TTK: variants seen among roughly 807,000 people sequenced by gnomAD.
TTK encodes dual specificity protein kinase TTK.
Under a neutral mutation model 117.3 loss-of-function variants are expected in TTK, and 59 were observed. That is an observed-to-expected ratio of 0.50 (90% CI 0.41 to 0.62). TTK has a LOEUF of 0.62. Ranked by LOEUF, TTK falls within the 20% of genes least tolerant of loss-of-function variation. The pLI is 0.00. For synonymous variants in TTK, 302 were observed against 325.0 expected, an observed-to-expected ratio of 0.93 and a Z score of 0.76; for missense variants, 921 against 989.4, an observed-to-expected ratio of 0.93 and a Z score of 0.93.
chr6:80,013,510 T>C (rs1767221952), intron 9 of TTK, 144 bp downstream of exon 9: 3 of 633,992 alleles, frequency 4.7e-6, no homozygotes, highest in Non-Finnish European at 8.0e-6. Flanking sequence ...GCTGTGGGAC[T>C]ACGAGTGGGA....
At chr6:80,011,075 T>C in intron 5 of TTK, 118 bp downstream of exon 5, 1 of 1,262,772 alleles carries the variant, frequency 7.9e-7, no homozygotes, top group East Asian at 2.7e-5. Context: ...TAAGATTAAA[T>C]TGTAAAGGAG....
At chr6:80,040,513 G>C (rs1768019620) in intron 20 of TTK, 93 bp from the exon 21 acceptor site, 1 of 1,100,578 alleles carries the variant, frequency 9.1e-7, no homozygotes, top group African/African-American at 1.6e-5. Flanking sequence ...TAAATTATAA[G>C]AATATCACTT....
At position 80,031,466 on chromosome 6, in the gene TTK, G is replaced by A; in HGVS notation, c.1522-1G>A. ...TTTATTTATATATTTTACTTATTTAGGTTTTAGCATCTTCTTCAGCAAATG... is the reference window on the plus strand; with the variant it reads ...TTTATTTATATATTTTACTTATTTAAGTTTTAGCATCTTCTTCAGCAAATG... On this transcript the variant is annotated splice_acceptor_variant, in intron 13 of 21. Coordinates refer to ENST00000369798, the MANE Select transcript of TTK (RefSeq NM_003318.5). LOFTEE classifies it high-confidence loss of function. The A allele has an allele frequency of 6.7e-7, 1 of 1,487,822 alleles. No homozygotes were observed. The highest frequency in any genetic ancestry group is 8.9e-7 in the Non-Finnish European group (1 of 1,123,986). The allele number at this position is 1,487,822 out of a possible 1,614,324, so 92.2% of individuals were successfully genotyped here. A position where few individuals can be genotyped will look rare whatever the true frequency, so the allele number is the denominator to read the frequency against.
In TTK at chr6:80,022,417, C is replaced by T; in HGVS notation, c.1202C>T (p.Ala401Val). 1 of 1,613,986 alleles carries T rather than the reference C, an allele frequency of 6.2e-7. No homozygotes were observed. The highest frequency in any genetic ancestry group is 8.5e-7 in the Non-Finnish European group (1 of 1,179,950). ...RKSECINQNP[A>V]ASSNHWQIPE... ...TCAGAGTGTATTAACCAGAATCCTG[C>T]TGCATCTTCAAATCACTGGCAGATT... The change falls in exon 11 of 22, where the codon GCT becomes GTT. Residue 401 changes from alanine (A) to valine (V), a missense_variant. Ala to Val is a moderately conservative substitution (Grantham distance 64, BLOSUM62 0). Coordinates refer to ENST00000369798, the MANE Select transcript of TTK (RefSeq NM_003318.5).
intron 10 of TTK, among the ~76,000 whole-genome samples, chr6:80,018,476 T>G (rs1020826216): frequency 1.9e-4 from 29 of 149,454 alleles, no homozygotes; most frequent in Non-Finnish European, 3.6e-4. Context: ...AAAAAAAAAT[T>G]AGCCGGGTGT....
In TTK at chr6:80,042,276, A is replaced by G; in HGVS notation, c.*74A>G. 1 of 1,202,444 alleles carries G rather than the reference A, an allele frequency of 8.3e-7. No individual in the cohort carries two copies. Among genetic ancestry groups the G allele is most frequent in the Non-Finnish European group, 1.2e-6 (1 of 859,878 alleles). 74.5% of individuals were successfully genotyped at this position (1,202,444 alleles called of 1,614,324 possible). A position where few individuals can be genotyped will look rare whatever the true frequency, so the allele number is the denominator to read the frequency against. ...TGTTATACTCTTGAATCCCTGTGGA[A>G]ATCTACATTTGAAGACAACATCACT... is the stretch of plus-strand genomic sequence containing the variant. On this transcript the variant is annotated 3_prime_UTR_variant, in exon 22 of 22. Transcript: ENST00000369798.
chr6:80,026,254 C>A (rs1767600818), intron 11 of TTK, 124 bp from the exon 12 acceptor site: 1 of 1,010,790 alleles, frequency 9.9e-7, no homozygotes, highest in East Asian at 2.7e-5. Context: ...ATGCCTATCT[C>A]TTTTAGTATG....
intron 10 of TTK, among the ~76,000 whole-genome samples, chr6:80,019,746 C>CA (rs1257191816): frequency 4.6e-5 from 7 of 151,640 alleles, no homozygotes; most frequent in Admixed American, 6.6e-5. Context: ...TCTTACTTGT[C>CA]AAAAAAAATC....
At chr6:80,020,285 G>A (rs1767423077) in intron 10 of TTK, among the ~76,000 whole-genome samples, 1 of 152,114 alleles carries the variant, frequency 6.6e-6, no homozygotes, top group South Asian at 2.1e-4. Flanking sequence ...AGTCTCTATG[G>A]CAATTTCGTT....
At chr6:80,029,326 A>G (rs957294907) in intron 13 of TTK, among the ~76,000 whole-genome samples, 15 of 152,342 alleles carry the variant, frequency 9.8e-5, no homozygotes, top group Non-Finnish European at 2.1e-4. Flanking sequence ...ATTTTGCATT[A>G]TGTATAATTT....
chr6:80,022,490 G>A lies in TTK; in HGVS notation c.1257+18G>A, dbSNP rs777269142. 1.2e-6 allele frequency: 2 copies of A among 1,607,460 alleles called. No homozygotes were observed. The highest frequency in any genetic ancestry group is 8.5e-7 in the Non-Finnish European group (1 of 1,178,050). On this transcript the variant is annotated intron_variant, in intron 11 of 21. Coordinates refer to ENST00000369798, the MANE Select transcript of TTK (RefSeq NM_003318.5). ...ATACAGAGGTAACTTTTCCACTAAA[G>A]TACAATATTGCTTTTTTGTTCATAA...
chr6:80,040,060 T>C (rs1407489019), intron 19 of TTK, 136 bp from the exon 20 acceptor site: 56 of 944,136 alleles, frequency 5.9e-5, no homozygotes, highest in Non-Finnish European at 6.2e-5. Flanking sequence ...TTGGGAGAAA[T>C]AATCTTGTCA....
chr6:80,020,667 T>C (rs1767434390), intron 10 of TTK, among the ~76,000 whole-genome samples: 1 of 152,214 alleles, frequency 6.6e-6, no homozygotes, highest in Non-Finnish European at 1.5e-5. Flanking sequence ...AGAGCTCACA[T>C]GCTTTCTCCC....
At chr6:80,013,198 T>TC in intron 8 of TTK, 81 bp from the exon 9 acceptor site, 1 of 1,165,690 alleles carries the variant, frequency 8.6e-7, no homozygotes, top group Non-Finnish European at 1.2e-6. Flanking sequence ...TTATTAAAAA[T>TC]CCAACTTGAG....
rs1386938353 is a variant in TTK at position 80,013,378 on chromosome 6, CTA to C, written c.984+16_984+17del. ...TAAGAAATTTAAAGGTATTTTAATT[CTA>C]TATCATTATATAAAGCAAGGGTTCC... is the stretch of plus-strand genomic sequence containing the variant. On this transcript the variant is annotated intron_variant, in intron 9 of 21. Coordinates refer to ENST00000369798, the MANE Select transcript of TTK (RefSeq NM_003318.5). 1 of 1,573,390 alleles carries C rather than the reference CTA, an allele frequency of 6.4e-7. No individual in the cohort carries two copies. The highest frequency in any genetic ancestry group is 8.6e-7 in the Non-Finnish European group (1 of 1,157,810).
rs148614196 is a variant in TTK, at chr6:80,008,754, C to A, written c.469+262C>A. ...GCTACTAGTTAGATTCAGGAAACAT[C>A]TAAAGGAAAGTAGCTGCTTCACTGA... On this transcript the variant is annotated intron_variant, in intron 4 of 21. Coordinates refer to ENST00000369798, the MANE Select transcript of TTK (RefSeq NM_003318.5). Among the ~76,000 whole-genome samples the A allele has an allele frequency of 1.1e-4, 16 of 152,132 alleles. No individual in the cohort carries two copies. In the East Asian group the frequency reaches 3.1e-3, roughly 29 times the overall value.
At chr6:80,008,929 C>CTGTGTGTGTGTGTGTGTG (rs3049166) in intron 4 of TTK, among the ~76,000 whole-genome samples, 1,483 of 142,362 alleles carry the variant, frequency 0.01, 32 homozygotes, top group East Asian at 0.033. Context: ...AACTATATAT[C>CTGTGTGTGTGTGTGTGTG]TGTGTGTGTG....
chr6:80,020,406 A>C (rs1158016768), intron 10 of TTK, among the ~76,000 whole-genome samples: 2 of 152,238 alleles, frequency 1.3e-5, no homozygotes, highest in Non-Finnish European at 2.9e-5. Context: ...AAATAAAAAA[A>C]CAAAATCTCC....
chr6:80,032,662 T>TCATACA (rs1767790470), intron 14 of TTK, among the ~76,000 whole-genome samples: 1 of 152,166 alleles, frequency 6.6e-6, no homozygotes, highest in Admixed American at 6.6e-5. Flanking sequence ...CCTCTTACTC[T>TCATACA]CATACACATA....
Sources: gnomAD v4.1 joint callset for allele counts (sites outside exome capture counted in the v4.1 genomes callset) on GRCh38, gnomAD v4.1.1 for gene constraint, MANE v1.5 for transcripts, NCBI Gene and HGNC (gene_info 2026-07-23, HGNC 2026-07-21) for gene names.